The following SMYD1 variants were observed in gnomAD, a reference collection of about 807,000 sequenced individuals.
SMYD1 encodes histone-lysine N-methyltransferase SMYD1.
Under a neutral mutation model 54.0 loss-of-function variants are expected in SMYD1, and 49 were observed. That is an observed-to-expected ratio of 0.91 (90% CI 0.72 to 1.15). The LOEUF (loss-of-function observed/expected upper bound fraction) is 1.15. Among genes scored for constraint, SMYD1 ranks in the 50% most tolerant of loss-of-function variants. The pLI, the probability that SMYD1 is intolerant of heterozygous loss-of-function variation, is 0.00. For missense variants in SMYD1, 653 were observed against 639.6 expected, an observed-to-expected ratio of 1.02 and a Z score of -0.23; for synonymous variants, 269 against 234.2, an observed-to-expected ratio of 1.15 and a Z score of -1.36.
intron 6 of SMYD1, among the ~76,000 whole-genome samples, chr2:88,097,879 G>A (rs867250095): frequency 3.3e-5 from 5 of 152,090 alleles, no homozygotes; most frequent in South Asian, 2.1e-4. Flanking sequence ...GAAGTAGGAG[G>A]ACCAGCGATG....
chr2:88,082,450 T>C (rs1674220241), intron 1 of SMYD1: 1 of 152,618 alleles, frequency 6.6e-6, no homozygotes, highest in Non-Finnish European at 1.5e-5. Flanking sequence ...GGATGTAGCA[T>C]AGAGCAGTAG....
chr2:88,068,751 A>T (rs1488331076), intron 1 of SMYD1, among the ~76,000 whole-genome samples: 1 of 152,070 alleles, frequency 6.6e-6, no homozygotes. Context: ...AATTCCAAAG[A>T]TCTATTTCCT....
intron 1 of SMYD1, among the ~76,000 whole-genome samples, chr2:88,080,336 A>T (rs1388484367): frequency 6.6e-6 from 1 of 152,220 alleles, no homozygotes; most frequent in Non-Finnish European, 1.5e-5. Flanking sequence ...TGTGAAGTGT[A>T]ATGTTTTTGT....
At chr2:88,073,590 G>T (rs1673994135) in intron 1 of SMYD1, among the ~76,000 whole-genome samples, 2 of 152,124 alleles carry the variant, frequency 1.3e-5, no homozygotes. Flanking sequence ...CTCTGATTAT[G>T]TATTAAAGAC....
intron 3 of SMYD1, among the ~76,000 whole-genome samples, chr2:88,089,681 C>T (rs1447709897): frequency 6.9e-6 from 1 of 144,602 alleles, no homozygotes; most frequent in Non-Finnish European, 1.5e-5. Context: ...CAAACTCCAT[C>T]TTCCAGGCTC....
At chr2:88,094,186 G>T (rs1244323941) in intron 5 of SMYD1, among the ~76,000 whole-genome samples, 1 of 152,206 alleles carries the variant, frequency 6.6e-6, no homozygotes, top group Non-Finnish European at 1.5e-5. Context: ...GAATGCTGGG[G>T]TAGAAGTGGT....
chr2:88,102,776 G>T (rs750853), intron 6 of SMYD1, among the ~76,000 whole-genome samples: 12 of 152,150 alleles, frequency 7.9e-5, no homozygotes, highest in Non-Finnish European at 1.2e-4. Flanking sequence ...TCAATGTCAG[G>T]TTCTGCCCTG....
chr2:88,084,952 G>A (rs1674288517), intron 2 of SMYD1, among the ~76,000 whole-genome samples: 2 of 151,994 alleles, frequency 1.3e-5, no homozygotes, highest in African/African-American at 4.8e-5. Flanking sequence ...GTTTTATCAT[G>A]TTGCCCAGGG....
intron 7 of SMYD1, among the ~76,000 whole-genome samples, chr2:88,104,637 TCCCCGCCACCTCGGGGTGGC>T (rs1163006470): frequency 1.3e-5 from 2 of 152,270 alleles, no homozygotes; most frequent in East Asian, 1.9e-4. Flanking sequence ...ATTTTTCCAC[TCCCCGCCACCTCGGGGTGGC>T]CCCCACCACC....
chr2:88,101,115 G>A (rs954556510), intron 6 of SMYD1, among the ~76,000 whole-genome samples: 7 of 152,238 alleles, frequency 4.6e-5, no homozygotes, highest in African/African-American at 1.7e-4. Context: ...GAAAACCCAT[G>A]GCAGAACTGG....
At chr2:88,094,952 G>T (rs2919885) in intron 5 of SMYD1, among the ~76,000 whole-genome samples, 1 of 151,908 alleles carries the variant, frequency 6.6e-6, no homozygotes, top group Non-Finnish European at 1.5e-5. Context: ...GGGCTTTGAT[G>T]CATCTTAATT....
rs536006754 is a variant in SMYD1, at chr2:88,104,182, G to A, written c.981+1032G>A. 1.2e-4 allele frequency among the ~76,000 whole-genome samples: 18 copies of A among 152,198 alleles called. No individual in the cohort carries two copies. In the East Asian group the frequency reaches 1.6e-3, roughly 13 times the overall value. ...GGGGTTTCACCATGTTAGCCAGGAT[G>A]GTCTCGATTTCCCAACATCATGATC... is the stretch of plus-strand genomic sequence containing the variant. On this transcript the variant is annotated intron_variant, in intron 7 of 9. Transcript: ENST00000419482.
chr2:88,084,550 G>A, intron 2 of SMYD1, 58 bp downstream of exon 2: 1 of 1,488,492 alleles, frequency 6.7e-7, no homozygotes, highest in South Asian at 1.3e-5. Flanking sequence ...CTGGAATGGT[G>A]GCAGTAACAA....
chr2:88,079,302 C>A (rs1275678187), intron 1 of SMYD1, among the ~76,000 whole-genome samples: 1 of 152,146 alleles, frequency 6.6e-6, no homozygotes, highest in African/African-American at 2.4e-5. Flanking sequence ...TTCTTAGGGA[C>A]ATAATATGGC....
In SMYD1 at chr2:88,084,504, G is replaced by A. The variant is rs561568088; in HGVS notation, c.314+12G>A. Reference sequence around the variant, plus strand: ...AATGAGAACATCAGGTGAGAGCTGGGCACCCTGGTGGTGCTTCAGATTTCC... The same window carrying A: ...AATGAGAACATCAGGTGAGAGCTGGACACCCTGGTGGTGCTTCAGATTTCC... On this transcript the variant is annotated intron_variant, in intron 2 of 9. Coordinates refer to ENST00000419482, the MANE Select transcript of SMYD1 (RefSeq NM_198274.4). 2 of 1,567,252 alleles carry A rather than the reference G, an allele frequency of 1.3e-6. No homozygotes were observed. Among genetic ancestry groups the A allele is most frequent in the South Asian group, 1.1e-5 (1 of 87,962 alleles).
At chr2:88,102,574 T>C (rs1206914867) in intron 6 of SMYD1, among the ~76,000 whole-genome samples, 1 of 152,154 alleles carries the variant, frequency 6.6e-6, no homozygotes, top group Non-Finnish European at 1.5e-5. Flanking sequence ...CAAATTGGAG[T>C]ATGATTTTTG....
chr2:88,099,534 A>G (rs1674673533), intron 6 of SMYD1, among the ~76,000 whole-genome samples: 1 of 151,964 alleles, frequency 6.6e-6, no homozygotes, highest in Non-Finnish European at 1.5e-5. Flanking sequence ...ACCAGCCTGG[A>G]CAATATGGTG....
At chr2:88,098,888 A>G (rs1382099803) in intron 6 of SMYD1, among the ~76,000 whole-genome samples, 2 of 152,176 alleles carry the variant, frequency 1.3e-5, no homozygotes, top group African/African-American at 4.8e-5. Flanking sequence ...CCAGCCTCAA[A>G]CCTTCAATTG....
chr2:88,076,198 G>A (rs1674057790), intron 1 of SMYD1, among the ~76,000 whole-genome samples: 1 of 152,074 alleles, frequency 6.6e-6, no homozygotes. Context: ...CTGCTTGAAG[G>A]CAAAGTCGGT....
Sources: allele counts gnomAD v4.1 joint callset (sites outside exome capture counted in the v4.1 genomes callset), GRCh38; gene constraint gnomAD v4.1.1; transcripts MANE v1.5; gene names NCBI Gene and HGNC (gene_info 2026-07-23, HGNC 2026-07-21).